ZNF221: variants seen among roughly 807,000 people sequenced by gnomAD.
ZNF221 encodes the protein zinc finger protein 221.
ZNF221 carries 10 observed loss-of-function variants against 12.6 expected under a neutral mutation model. The observed-to-expected ratio is 0.79, with a 90% CI of 0.49 to 1.34. The LOEUF is 1.34. ZNF221 is among the 40% of genes most tolerant of loss of function. The probability of loss-of-function intolerance (pLI) is 0.00; values close to 1 mark genes in which losing one functional copy is unlikely to be tolerated. For missense variants in ZNF221, 661 were observed against 721.4 expected, an observed-to-expected ratio of 0.92 and a Z score of 0.96; for synonymous variants, 232 against 244.0, an observed-to-expected ratio of 0.95 and a Z score of 0.46.
chr19:43,962,978 C>A (rs1226961072), intron 2 of ZNF221, among the ~76,000 whole-genome samples, 171 bp downstream of exon 2: 1 of 152,072 alleles, frequency 6.6e-6, no homozygotes, highest in Non-Finnish European at 1.5e-5. Flanking sequence ...GGTTTTAGTT[C>A]TTGTTTTCTT....
chr19:43,965,049 G>T lies in ZNF221; in HGVS notation c.181G>T (p.Glu61Ter). The change falls in exon 3 of 5, where the codon GAG becomes TAG. Residue 61 changes from glutamate (E) to a stop codon, truncating the protein, a stop_gained. Transcript: ENST00000587682. LOFTEE classifies it high-confidence loss of function. ...GAAGCTGTACCGAGATGTGATGCTA[G>T]AGAACTTCAGGAACCTGCTCTCAGT... ...QRKLYRDVML[E>*]NFRNLLSVGN... The T allele has an allele frequency of 6.2e-7, 1 of 1,614,200 alleles. No individual in the cohort carries two copies. The highest frequency in any genetic ancestry group is 8.5e-7 in the Non-Finnish European group (1 of 1,180,016).
At chr19:43,972,763 C>T in the ZNF221 span, among the ~76,000 whole-genome samples, 4 of 67,924 alleles carry the variant, frequency 5.9e-5, no homozygotes, top group African/African-American at 2.0e-4. Context: ...AATAGTCTAC[C>T]AAAAAAAAAA....
At position 43,967,162 on chromosome 19, in the gene ZNF221, A is replaced by G; in HGVS notation, c.1660A>G (p.Arg554Gly). Residue 554 changes from arginine to glycine, a missense_variant, in exon 5 of 5, where the codon AGG becomes GGG. Physicochemically the swap from Arg to Gly is moderately radical, Grantham distance 125. Coordinates refer to ENST00000587682, the MANE Select transcript of ZNF221 (RefSeq NM_001297588.2). ...TAAATTTAATCTTGACATGCACCAG[A>G]GGGTCCACGGGGGAGAGCGACCCTA... ...NSKFNLDMHQ[R>G]VHGGERPYNC... 6.3e-6 allele frequency: 10 copies of G among 1,594,076 alleles called. No individual in the cohort carries two copies. Among genetic ancestry groups the G allele is most frequent in the Non-Finnish European group, 7.7e-6 (9 of 1,167,546 alleles).
At chr19:43,973,722 C>G in the ZNF221 span, among the ~76,000 whole-genome samples, 27 of 152,148 alleles carry the variant, frequency 1.8e-4, no homozygotes, top group Non-Finnish European at 1.6e-4. Context: ...TCAAGGAGAA[C>G]TACAAACCAC....
chr19:43,971,722 A>T (rs932230630), downstream of ZNF221, among the ~76,000 whole-genome samples: 1 of 152,212 alleles, frequency 6.6e-6, no homozygotes, highest in Non-Finnish European at 1.5e-5. Flanking sequence ...TATTCTAAAC[A>T]TATATACGCA....
intron 1 of ZNF221, among the ~76,000 whole-genome samples, chr19:43,956,992 A>G (rs74433850): frequency 0.013 from 1,991 of 152,262 alleles, 117 homozygotes; most frequent in Admixed American, 0.092. Flanking sequence ...AAAAAGTGGA[A>G]GTGAGGAACA....
At chr19:43,958,866 G>A (rs1974800096) in intron 1 of ZNF221, among the ~76,000 whole-genome samples, 6 of 152,160 alleles carry the variant, frequency 3.9e-5, no homozygotes, top group Admixed American at 3.9e-4. Context: ...GATGCTATCT[G>A]GTCTGAGCCA....
downstream of ZNF221, among the ~76,000 whole-genome samples, chr19:43,968,834 C>T (rs7251592): frequency 0.015 from 2,242 of 152,264 alleles, 62 homozygotes; most frequent in African/African-American, 0.051. Context: ...TGCGACCCTG[C>T]GCAGGAAACC....
downstream of ZNF221, among the ~76,000 whole-genome samples, chr19:43,970,926 A>G (rs1457820793): frequency 2.6e-5 from 4 of 152,328 alleles, no homozygotes; most frequent in East Asian, 5.8e-4. Flanking sequence ...CCCCGGTAAG[A>G]TACTCCATGA....
chr19:43,980,743 G>A, the ZNF221 span, among the ~76,000 whole-genome samples: 5 of 152,074 alleles, frequency 3.3e-5, no homozygotes, highest in South Asian at 2.1e-4. Flanking sequence ...AAAAAATAGC[G>A]TCACAACGCC....
intron 1 of ZNF221, among the ~76,000 whole-genome samples, chr19:43,955,295 G>T (rs1039748676): frequency 2.6e-5 from 4 of 150,946 alleles, no homozygotes; most frequent in African/African-American, 9.7e-5. Flanking sequence ...TCTTCACTGT[G>T]TCATTTTTGC....
At chr19:43,951,956 C>T (rs1974679563) in intron 1 of ZNF221, among the ~76,000 whole-genome samples, 1 of 141,370 alleles carries the variant, frequency 7.1e-6, no homozygotes. Flanking sequence ...TCACTGCAGG[C>T]TCCGCCTCCC....
At chr19:43,971,077 A>G (rs1599824709), downstream of ZNF221, among the ~76,000 whole-genome samples, 1 of 152,222 alleles carries the variant, frequency 6.6e-6, no homozygotes, top group African/African-American at 2.4e-5. Flanking sequence ...CTCAGTGGAA[A>G]CCCTACAAGC....
At chr19:43,974,016 A>G in the ZNF221 span, among the ~76,000 whole-genome samples, 3 of 152,244 alleles carry the variant, frequency 2.0e-5, no homozygotes, top group Non-Finnish European at 4.4e-5. Flanking sequence ...CCAAGGCTAC[A>G]GTAACGAAAA....
the ZNF221 span, among the ~76,000 whole-genome samples, chr19:43,976,367 G>A: frequency 2.0e-5 from 3 of 151,848 alleles, no homozygotes; most frequent in Non-Finnish European, 2.9e-5. Context: ...GCAAAACCCC[G>A]TCTCTACTAA....
In ZNF221 at chr19:43,966,507, A is replaced by G; in HGVS notation, c.1005A>G (p.Glu335=). The G allele has an allele frequency of 6.2e-7, 1 of 1,614,152 alleles. No individual in the cohort carries two copies. Among genetic ancestry groups the G allele is most frequent in the Non-Finnish European group, 8.5e-7 (1 of 1,180,012 alleles). The change falls in exon 5 of 5, where the codon GAA becomes GAG. Residue 335 remains glutamate, a synonymous_variant. Transcript: ENST00000587682. ...LNRHSMVHTG[E]KPFRCDTCGK... ...GGCATTCCATGGTTCACACAGGAGA[A>G]AAACCATTCAGATGTGATACATGTG...
At chr19:43,970,377 G>A (rs1426922507), downstream of ZNF221, among the ~76,000 whole-genome samples, 2 of 152,158 alleles carry the variant, frequency 1.3e-5, no homozygotes, top group Non-Finnish European at 2.9e-5. Flanking sequence ...AATGACTACA[G>A]CACCTCTCTA....
chr19:43,958,810 A>G (rs1450232359), intron 1 of ZNF221, among the ~76,000 whole-genome samples: 1 of 152,206 alleles, frequency 6.6e-6, no homozygotes, highest in Non-Finnish European at 1.5e-5. Context: ...TAGAGATGTA[A>G]TAGTCAAAGG....
intron 1 of ZNF221, among the ~76,000 whole-genome samples, chr19:43,959,709 C>T (rs1974813299): frequency 6.6e-6 from 1 of 152,186 alleles, no homozygotes. Context: ...TCACCAGAAG[C>T]TGAGCACATG....
Sources: allele counts gnomAD v4.1 joint callset (sites outside exome capture counted in the v4.1 genomes callset), GRCh38; gene constraint gnomAD v4.1.1; transcripts MANE v1.5; gene names NCBI Gene and HGNC (gene_info 2026-07-23, HGNC 2026-07-21).